The following DIP2C variants were observed in gnomAD, a reference collection of about 807,000 sequenced individuals.
The protein encoded by DIP2C is DIP2 acetate--CoA ligase C (putative), also known as disco-interacting protein 2 homolog C.
A neutral mutation model predicts 192.4 loss-of-function variants in DIP2C; 33 were observed. That is an observed-to-expected ratio of 0.17 (90% CI 0.13 to 0.23). DIP2C has a LOEUF of 0.23. DIP2C is among the 10% of genes least tolerant of loss of function. The pLI, the probability that DIP2C is intolerant of heterozygous loss-of-function variation, is 1.00. For synonymous variants in DIP2C, 979 were observed against 864.1 expected (o/e 1.13, Z -2.33); for missense variants, 1,537 against 2,110.1 (o/e 0.73, Z 5.32).
intron 1 of DIP2C, among the ~76,000 whole-genome samples, chr10:572,596 C>T (rs1380612724): frequency 6.6e-6 from 1 of 152,186 alleles, no homozygotes; most frequent in Non-Finnish European, 1.5e-5. Flanking sequence ...GAAGATGTGA[C>T]TTTGTATGTA....
intron 4 of DIP2C, among the ~76,000 whole-genome samples, chr10:429,558 C>T (rs1236739767): frequency 1.5e-5 from 2 of 134,268 alleles, no homozygotes; most frequent in Non-Finnish European, 3.1e-5. Flanking sequence ...CTGCCTCCCC[C>T]TGGACCCTGG....
chr10:596,745 C>T (rs931118973), intron 1 of DIP2C, among the ~76,000 whole-genome samples: 2 of 152,090 alleles, frequency 1.3e-5, no homozygotes, highest in Non-Finnish European at 2.9e-5. Flanking sequence ...ACAGAGCACC[C>T]GGCTCAAGCG....
chr10:502,786 T>C (rs1446982242), intron 1 of DIP2C, among the ~76,000 whole-genome samples: 2 of 152,106 alleles, frequency 1.3e-5, no homozygotes, highest in Non-Finnish European at 2.9e-5. Flanking sequence ...AGGATGTGTA[T>C]GAAGAAAACC....
intron 30 of DIP2C, among the ~76,000 whole-genome samples, chr10:327,607 G>C (rs535355002): frequency 1.3e-5 from 2 of 152,300 alleles, no homozygotes; most frequent in African/African-American, 4.8e-5. Flanking sequence ...ATGCTGCCCA[G>C]GCTGGAGTTG....
At chr10:492,696 C>T (rs1409064369) in intron 1 of DIP2C, among the ~76,000 whole-genome samples, 4 of 152,154 alleles carry the variant, frequency 2.6e-5, no homozygotes, top group African/African-American at 9.7e-5. Context: ...AGATCTTACT[C>T]GGGCCAGGCA....
chr10:401,518 A>T (rs1189334163), intron 9 of DIP2C, among the ~76,000 whole-genome samples: 1 of 145,934 alleles, frequency 6.9e-6, no homozygotes, highest in Admixed American at 6.7e-5. Context: ...CATGTGTGGT[A>T]GCATTAGCAT....
rs1220545116 is a variant in DIP2C at position 345,208 on chromosome 10, A to G, written c.3232-98T>C. Reference sequence around the variant, plus strand: ...CCTGCTTACTACATACACTAAAACCATGTAGCTTTAACGGGCAGATGAGGT... The same window carrying G: ...CCTGCTTACTACATACACTAAAACCGTGTAGCTTTAACGGGCAGATGAGGT... On this transcript the variant is annotated intron_variant, in intron 26 of 36. Transcript: ENST00000280886. The G allele has an allele frequency of 1.1e-5, 13 of 1,151,328 alleles. No homozygotes were observed. The Admixed American group carries it at 2.2e-4, about 19-fold the overall frequency. The allele number at this position is 1,151,328 out of a possible 1,614,324, so 71.3% of individuals were successfully genotyped here.
At chr10:504,112 C>G (rs1167899599) in intron 1 of DIP2C, among the ~76,000 whole-genome samples, 2 of 152,224 alleles carry the variant, frequency 1.3e-5, no homozygotes, top group African/African-American at 2.4e-5. Context: ...GTAACTGCAG[C>G]CTTCAACCTA....
rs148972268 is a variant in DIP2C, at chr10:438,302, A to G, written c.394+2569T>C. 1.1e-3 allele frequency among the ~76,000 whole-genome samples: 167 copies of G among 152,356 alleles called. 1 individual carries two copies. Among genetic ancestry groups the G allele is most frequent in the African/African-American group, 3.9e-3 (162 of 41,584 alleles). ...CCATTTCAAACTCATCGTTTCTCTT[A>G]TAAAAAGTGGTCAAGAAAAATGTGT... On this transcript the variant is annotated intron_variant, in intron 4 of 36. Coordinates refer to ENST00000280886, the MANE Select transcript of DIP2C (RefSeq NM_014974.3).
At chr10:348,299 T>C (rs1958619998) in intron 26 of DIP2C, among the ~76,000 whole-genome samples, 1 of 152,226 alleles carries the variant, frequency 6.6e-6, no homozygotes. Context: ...AGGAGAGGGC[T>C]TTGGAAAAAG....
chr10:537,676 G>C lies in DIP2C; in HGVS notation c.86-51146C>G, dbSNP rs540690909. On this transcript the variant is annotated intron_variant, in intron 1 of 36. Coordinates refer to ENST00000280886, the MANE Select transcript of DIP2C (RefSeq NM_014974.3). ...ACATGACAACAGGAGAGGGATGAGG[G>C]AAGACACGAGACACAGGCTGGTAAG... 2.6e-5 allele frequency among the ~76,000 whole-genome samples: 4 copies of C among 152,284 alleles called. No individual in the cohort carries two copies. The South Asian group carries it at 8.3e-4, about 32-fold the overall frequency.
intron 1 of DIP2C, among the ~76,000 whole-genome samples, chr10:499,510 G>A (rs1173788795): frequency 6.6e-6 from 1 of 152,240 alleles, no homozygotes; most frequent in African/African-American, 2.4e-5. Flanking sequence ...ATCTTACATG[G>A]CGGCAGGTGA....
At chr10:526,685 C>T (rs192989419) in intron 1 of DIP2C, among the ~76,000 whole-genome samples, 6 of 152,216 alleles carry the variant, frequency 3.9e-5, no homozygotes, top group Non-Finnish European at 7.3e-5. Context: ...TCTAAGGACT[C>T]GTCCACACTG....
intron 2 of DIP2C, among the ~76,000 whole-genome samples, chr10:478,835 T>C (rs1459163610): frequency 6.6e-6 from 1 of 152,012 alleles, no homozygotes; most frequent in African/African-American, 2.4e-5. Context: ...CCGGGCGTGC[T>C]GGGGGTGCAG....
intron 9 of DIP2C, among the ~76,000 whole-genome samples, chr10:403,926 A>AT (rs1440847283): frequency 2.1e-5 from 2 of 93,664 alleles, no homozygotes; most frequent in Admixed American, 1.1e-4. Context: ...GAATCCTGTG[A>AT]TTTTACACGT....
chr10:612,787 A>T (rs946818146), intron 1 of DIP2C, among the ~76,000 whole-genome samples: 6 of 152,172 alleles, frequency 3.9e-5, no homozygotes, highest in Admixed American at 3.9e-4. Flanking sequence ...CAGAGTCTCA[A>T]GAAATGAGAC....
chr10:370,360 T>TTC (rs1960813025), intron 17 of DIP2C, among the ~76,000 whole-genome samples: 1 of 152,190 alleles, frequency 6.6e-6, no homozygotes, highest in South Asian at 2.1e-4. Context: ...GCCTTGGGGC[T>TTC]TCTGTGCTGG....
intron 17 of DIP2C, among the ~76,000 whole-genome samples, chr10:381,225 C>G (rs908755488): frequency 6.6e-6 from 1 of 152,110 alleles, no homozygotes; most frequent in Admixed American, 6.5e-5. Flanking sequence ...TTCTTTCTTA[C>G]AGCATCAGCA....
At chr10:439,374 C>T (rs550932982) in intron 4 of DIP2C, among the ~76,000 whole-genome samples, 3 of 152,254 alleles carry the variant, frequency 2.0e-5, no homozygotes, top group Non-Finnish European at 4.4e-5. Flanking sequence ...CTCTCTTGCC[C>T]GCTGGCACTG....
Sources: allele counts gnomAD v4.1 joint callset (sites outside exome capture counted in the v4.1 genomes callset), GRCh38; gene constraint gnomAD v4.1.1; transcripts MANE v1.5; gene names NCBI Gene and HGNC (gene_info 2026-07-23, HGNC 2026-07-21).